Variants in TMEM163 observed in about 807,000 individuals in gnomAD.
TMEM163 encodes transmembrane protein 163.
In TMEM163, 17 loss-of-function variants were observed where a neutral mutation model predicts 29.3. The observed-to-expected ratio is 0.58, with a 90% CI of 0.40 to 0.87. The LOEUF is 0.87. TMEM163 is among the 40% of genes least tolerant of loss of function. The probability of loss-of-function intolerance (pLI) is 0.00; values close to 1 mark genes in which losing one functional copy is unlikely to be tolerated. For missense variants in TMEM163, 303 were observed against 381.5 expected, an observed-to-expected ratio of 0.79 and a Z score of 1.71; for synonymous variants, 157 against 160.6, an observed-to-expected ratio of 0.98 and a Z score of 0.17.
chr2:134,694,565 T>C (rs1165165514), intron 2 of TMEM163, among the ~76,000 whole-genome samples: 1 of 152,220 alleles, frequency 6.6e-6, no homozygotes, highest in South Asian at 2.1e-4. Flanking sequence ...TAATGCAGAA[T>C]TCATTCCCTA....
At chr2:134,713,097 CA>C in intron 2 of TMEM163, 102 bp downstream of exon 2, 1 of 1,508,712 alleles carries the variant, frequency 6.6e-7, no homozygotes, top group South Asian at 1.3e-5. Context: ...AAAATTTACT[CA>C]TCAATAATAG....
At chr2:134,689,114 T>TG (rs550977125) in intron 2 of TMEM163, among the ~76,000 whole-genome samples, 162 of 150,176 alleles carry the variant, frequency 1.1e-3, no homozygotes, top group African/African-American at 3.4e-3. Context: ...TGTTTTGTTT[T>TG]TTTTTTTTTT....
At chr2:134,480,682 C>T (rs542949523) in intron 5 of TMEM163, among the ~76,000 whole-genome samples, 14 of 152,138 alleles carry the variant, frequency 9.2e-5, no homozygotes, top group Admixed American at 3.9e-4. Flanking sequence ...AACTGAAGAA[C>T]GGGAGCCGTG....
chr2:134,706,887 G>A (rs1473290587), intron 2 of TMEM163, among the ~76,000 whole-genome samples: 1 of 152,160 alleles, frequency 6.6e-6, no homozygotes, highest in African/African-American at 2.4e-5. Context: ...AGCACAGAGG[G>A]TGACAGGCAC....
At chr2:134,510,354 G>T (rs1175950671) in intron 4 of TMEM163, among the ~76,000 whole-genome samples, 1 of 152,174 alleles carries the variant, frequency 6.6e-6, no homozygotes, top group Admixed American at 6.5e-5. Context: ...GGAAACCTTT[G>T]TGGTGACAGG....
chr2:134,666,949 T>C (rs1406425203), intron 2 of TMEM163, among the ~76,000 whole-genome samples: 1 of 152,162 alleles, frequency 6.6e-6, no homozygotes, highest in Non-Finnish European at 1.5e-5. Flanking sequence ...ATCAAAGCCT[T>C]CACTCCTTGC....
intron 4 of TMEM163, among the ~76,000 whole-genome samples, chr2:134,519,684 C>A (rs1352351914): frequency 6.6e-6 from 1 of 151,654 alleles, no homozygotes; most frequent in East Asian, 1.9e-4. Context: ...TGCCCTCCAG[C>A]CTGGGTGACA....
At chr2:134,560,948 CA>C (rs1347399777) in intron 2 of TMEM163, among the ~76,000 whole-genome samples, 1 of 142,616 alleles carries the variant, frequency 7.0e-6, no homozygotes, top group African/African-American at 3.1e-5. Flanking sequence ...AGCTCAGAGA[CA>C]AAAAGACAAA....
intron 2 of TMEM163, among the ~76,000 whole-genome samples, chr2:134,644,847 T>C (rs1401202265): frequency 2.6e-5 from 4 of 152,170 alleles, no homozygotes; most frequent in Non-Finnish European, 4.4e-5. Flanking sequence ...CACTGGGAGA[T>C]AATATTTTCA....
intron 5 of TMEM163, among the ~76,000 whole-genome samples, chr2:134,476,877 T>C (rs906379501): frequency 3.3e-5 from 5 of 152,358 alleles, no homozygotes; most frequent in Middle Eastern, 3.4e-3. Flanking sequence ...ATGATTATCA[T>C]CACTGCCATG....
chr2:134,508,546 G>A (rs890436297), intron 4 of TMEM163, among the ~76,000 whole-genome samples: 2 of 152,178 alleles, frequency 1.3e-5, no homozygotes, highest in African/African-American at 4.8e-5. Context: ...CATCTTGGAG[G>A]CAGGATAAAA....
intron 2 of TMEM163, among the ~76,000 whole-genome samples, chr2:134,662,439 C>G (rs1214346951): frequency 1.3e-5 from 2 of 151,980 alleles, no homozygotes; most frequent in East Asian, 3.9e-4. Context: ...GGAGGCAGAG[C>G]CAGAATGGGT....
intron 2 of TMEM163, among the ~76,000 whole-genome samples, chr2:134,569,782 T>A (rs1418035592): frequency 6.6e-6 from 1 of 152,212 alleles, no homozygotes; most frequent in Non-Finnish European, 1.5e-5. Flanking sequence ...TGCAGTTTGT[T>A]ACTCACAGTC....
At chr2:134,580,157 C>A (rs534646648) in intron 2 of TMEM163, among the ~76,000 whole-genome samples, 1 of 152,088 alleles carries the variant, frequency 6.6e-6, no homozygotes, top group Non-Finnish European at 1.5e-5. Flanking sequence ...TAAATTGAGA[C>A]GATGTATTTT....
chr2:134,464,101 T>TA (rs552355393), intron 6 of TMEM163, among the ~76,000 whole-genome samples: 5 of 152,312 alleles, frequency 3.3e-5, no homozygotes, highest in South Asian at 2.1e-4. Context: ...TCATATGAAC[T>TA]AAAGGCTTCC....
chr2:134,670,220 C>A (rs1391349167), intron 2 of TMEM163, among the ~76,000 whole-genome samples: 1 of 152,018 alleles, frequency 6.6e-6, no homozygotes, highest in African/African-American at 2.4e-5. Context: ...TTTCACAACT[C>A]TACTTCCTAG....
At chr2:134,667,453 G>A (rs1683893883) in intron 2 of TMEM163, among the ~76,000 whole-genome samples, 1 of 152,196 alleles carries the variant, frequency 6.6e-6, no homozygotes, top group South Asian at 2.1e-4. Flanking sequence ...ATGGGATGTA[G>A]AATATGGAAA....
intron 2 of TMEM163, among the ~76,000 whole-genome samples, chr2:134,687,053 C>T (rs1302455223): frequency 6.6e-6 from 1 of 152,176 alleles, no homozygotes; most frequent in East Asian, 1.9e-4. Flanking sequence ...CTGCCTTTTG[C>T]TCTGGCGGAA....
intron 5 of TMEM163, among the ~76,000 whole-genome samples, chr2:134,491,512 C>T (rs756836260): frequency 2.0e-5 from 3 of 152,112 alleles, no homozygotes; most frequent in Non-Finnish European, 4.4e-5. Context: ...GCTTTCAGAT[C>T]CCAAATTCTA....
Sources: gnomAD v4.1 joint callset for allele counts (sites outside exome capture counted in the v4.1 genomes callset) on GRCh38, gnomAD v4.1.1 for gene constraint, MANE v1.5 for transcripts, NCBI Gene and HGNC (gene_info 2026-07-23, HGNC 2026-07-21) for gene names.